The following TULP4 variants were observed in gnomAD, a reference collection of about 807,000 sequenced individuals.
TULP4 encodes the protein TUB like protein 4.
TULP4 carries 16 observed loss-of-function variants against 129.0 expected under a neutral mutation model. The observed-to-expected ratio is 0.12, with a 90% CI of 0.08 to 0.19. The LOEUF (loss-of-function observed/expected upper bound fraction) is 0.19, where lower values mean the gene tolerates loss of function less well. Ranked by LOEUF, TULP4 falls within the 10% of genes least tolerant of loss-of-function variation. TULP4 has a pLI of 1.00. For missense variants in TULP4, 1,842 were observed against 2,059.1 expected (o/e 0.89, Z 2.04); for synonymous variants, 998 against 854.0 (o/e 1.17, Z -2.94).
chr6:158,462,137 T>C (rs1324380710), intron 6 of TULP4, among the ~76,000 whole-genome samples: 2 of 152,192 alleles, frequency 1.3e-5, no homozygotes, highest in Non-Finnish European at 2.9e-5. Context: ...AACTTGTGTA[T>C]CTCCTGCATA....
chr6:158,457,925 G>GA (rs5881264), intron 5 of TULP4, among the ~76,000 whole-genome samples: 62,982 of 150,304 alleles, frequency 0.42, 14,401 homozygotes, highest in African/African-American at 0.62. Context: ...CTTCTTAAAG[G>GA]AAAAAAAAAT....
Position 158,511,011 on chromosome 6 carries a change from G to T in TULP4, c.*4317G>T, listed in dbSNP as rs1054770664. The T allele has an allele frequency of 1.3e-5, 2 of 152,566 alleles. No homozygotes were observed. The highest frequency in any genetic ancestry group is 4.8e-5 in the African/African-American group (2 of 41,432). 9.5% of individuals were successfully genotyped at this position (152,566 alleles called of 1,614,324 possible). On this transcript the variant is annotated 3_prime_UTR_variant, in exon 14 of 14. Coordinates refer to ENST00000367097, the MANE Select transcript of TULP4 (RefSeq NM_020245.5). ...TGTCGTTTGAGTTCCTGGGATTTCT[G>T]TAATAGCACACAACTCAGAACTCTT...
intron 1 of TULP4, among the ~76,000 whole-genome samples, chr6:158,241,264 T>G: frequency 9.4e-6 from 1 of 106,336 alleles, no homozygotes; most frequent in Non-Finnish European, 2.0e-5. Context: ...CTTTCCAGAC[T>G]GGGCAGCCAG....
rs1562590394 is a variant in TULP4, at chr6:158,493,901, G to A, written c.1776+184G>A. 6.6e-6 allele frequency among the ~76,000 whole-genome samples: 1 copy of A among 152,136 alleles called. No individual in the cohort carries two copies. Among genetic ancestry groups the A allele is most frequent in the Non-Finnish European group, 1.5e-5 (1 of 68,004 alleles). Reference sequence around the variant, plus strand: ...AGGTGGAGCTCTGGCTTCTCCACCTGTGCCCCTCAGCCAGTTCTGATCTTG... The same window carrying A: ...AGGTGGAGCTCTGGCTTCTCCACCTATGCCCCTCAGCCAGTTCTGATCTTG... On this transcript the variant is annotated intron_variant, in intron 10 of 13. Coordinates refer to ENST00000367097, the MANE Select transcript of TULP4 (RefSeq NM_020245.5). This position sits in a 1 kb window ranked among gnomAD's most constrained non-coding sequence, Gnocchi z 4.4.
chr6:158,460,633 T>C (rs1024904437), intron 5 of TULP4, among the ~76,000 whole-genome samples: 9 of 152,196 alleles, frequency 5.9e-5, no homozygotes, highest in African/African-American at 2.2e-4. Flanking sequence ...GAAAAAACTG[T>C]CTCCCAGCAG....
At chr6:158,421,875 G>A (rs1348705343) in intron 2 of TULP4, among the ~76,000 whole-genome samples, 1 of 152,206 alleles carries the variant, frequency 6.6e-6, no homozygotes, top group Non-Finnish European at 1.5e-5. Flanking sequence ...TTTATGATTT[G>A]TAGGGCATGA....
At chr6:158,441,903 G>A (rs1778906586) in intron 3 of TULP4, among the ~76,000 whole-genome samples, 1 of 152,160 alleles carries the variant, frequency 6.6e-6, no homozygotes, top group Non-Finnish European at 1.5e-5. Context: ...GTTTGATAGG[G>A]CCCATCTCCC....
At chr6:158,421,657 A>G (rs1054924801) in intron 2 of TULP4, among the ~76,000 whole-genome samples, 5 of 152,230 alleles carry the variant, frequency 3.3e-5, no homozygotes, top group Non-Finnish European at 7.3e-5. Flanking sequence ...GAATCAAAAG[A>G]TCTAGCGATG....
At chr6:158,476,339 T>A (rs1430986652) in intron 6 of TULP4, among the ~76,000 whole-genome samples, 1 of 152,160 alleles carries the variant, frequency 6.6e-6, no homozygotes, top group Non-Finnish European at 1.5e-5. Context: ...AAGAGGGGAT[T>A]TCCTGGTAAC....
In TULP4 at chr6:158,348,856, C is replaced by T. The variant is rs1455666972; in HGVS notation, c.252+34588C>T. Among the ~76,000 whole-genome samples the T allele has an allele frequency of 1.1e-3, 168 of 147,418 alleles. 1 individual carries two copies. The highest frequency in any genetic ancestry group is 3.8e-3 in the African/African-American group (149 of 39,660). The stretch of plus-strand genomic sequence containing the variant: ...AAAGGGCGGCCGGGCAGAGGTGCTC[C>T]TCACTTCCCAGATGGGGCGGCCGGG... On this transcript the variant is annotated intron_variant, in intron 1 of 13. Transcript: ENST00000367097.
intron 6 of TULP4, among the ~76,000 whole-genome samples, chr6:158,472,023 T>C (rs1057451877): frequency 1.3e-4 from 20 of 152,230 alleles, no homozygotes; most frequent in African/African-American, 1.9e-4. Context: ...GTGTTCCTTC[T>C]ACAGGGAATG....
intron 8 of TULP4, among the ~76,000 whole-genome samples, chr6:158,483,426 A>G (rs967115866): frequency 2.0e-5 from 3 of 152,102 alleles, no homozygotes; most frequent in African/African-American, 7.2e-5. Flanking sequence ...TTGACCTCCC[A>G]GGTTCAAGCG....
chr6:158,460,743 A>C (rs144008060), intron 5 of TULP4, among the ~76,000 whole-genome samples: 13 of 152,198 alleles, frequency 8.5e-5, no homozygotes, highest in African/African-American at 2.9e-4. Flanking sequence ...TTATCTGCCC[A>C]GTAGTGCCCA....
At chr6:158,256,535 A>G (rs1778247396) in intron 1 of TULP4, among the ~76,000 whole-genome samples, 1 of 152,208 alleles carries the variant, frequency 6.6e-6, no homozygotes, top group Non-Finnish European at 1.5e-5. Context: ...GTCTTATTGT[A>G]AATAAAATGT....
upstream of TULP4, among the ~76,000 whole-genome samples, chr6:158,281,497 C>T (rs1344080094): frequency 1.3e-5 from 2 of 152,018 alleles, no homozygotes; most frequent in Admixed American, 6.6e-5. Context: ...ATTTCCATTC[C>T]GGTTTTTATC....
chr6:158,500,591 C>T (rs1780422027), intron 12 of TULP4, among the ~76,000 whole-genome samples: 1 of 152,354 alleles, frequency 6.6e-6, no homozygotes, highest in Non-Finnish European at 1.5e-5. Flanking sequence ...GAGGAGCCAA[C>T]TGCAGAGTGC....
chr6:158,455,870 T>C (rs942023167), intron 5 of TULP4, among the ~76,000 whole-genome samples: 10 of 152,168 alleles, frequency 6.6e-5, no homozygotes, highest in African/African-American at 2.4e-4. Context: ...TTCCCTTCTG[T>C]CCTCTCTGAA....
At chr6:158,479,685 A>G (rs1391709274) in intron 6 of TULP4, 66 bp from the exon 7 acceptor site, 2 of 1,482,500 alleles carry the variant, frequency 1.3e-6, no homozygotes, top group Non-Finnish European at 1.9e-6. Flanking sequence ...ACAAGTGTGC[A>G]TTATCCCTTT....
chr6:158,279,827 T>C (rs187344683), upstream of TULP4, among the ~76,000 whole-genome samples: 23 of 152,334 alleles, frequency 1.5e-4, no homozygotes, highest in Admixed American at 1.1e-3. Context: ...CAGACAGCTG[T>C]GAACACTTGA....
Sources: gnomAD v4.1 joint callset for allele counts (sites outside exome capture counted in the v4.1 genomes callset) on GRCh38, gnomAD v4.1.1 for gene constraint, Gnocchi (gnomAD v3.1) non-coding constraint, MANE v1.5 for transcripts, NCBI Gene and HGNC (gene_info 2026-07-23, HGNC 2026-07-21) for gene names.